Variants in SCRIB observed in about 807,000 individuals in gnomAD.
The protein encoded by SCRIB is protein scribble homolog.
SCRIB carries 72 observed loss-of-function variants against 170.0 expected under a neutral mutation model. That is an observed-to-expected ratio of 0.42 (90% CI 0.35 to 0.52). The LOEUF is 0.52. SCRIB is among the 20% of genes least tolerant of loss of function. The pLI, the probability that SCRIB is intolerant of heterozygous loss-of-function variation, is 0.02. For synonymous variants in SCRIB, 1,298 were observed against 1,044.3 expected, an observed-to-expected ratio of 1.24 and a Z score of -4.68; for missense variants, 2,475 against 2,338.5, an observed-to-expected ratio of 1.06 and a Z score of -1.20.
At position 143,804,802 on chromosome 8, in the gene SCRIB, C is replaced by T. The variant is rs200803941; in HGVS notation, c.2775G>A (p.Glu925=). ...GGGAGACGGCGTGGTCATGCCTGGCCTCAGTCACGTCCACTCCATTAATCT... is the reference window on the plus strand; with the variant it reads ...GGGAGACGGCGTGGTCATGCCTGGCTTCAGTCACGTCCACTCCATTAATCT... ...VLSINGVDVT[E]ARHDHAVSLL... The change falls in exon 21 of 37, where the codon GAG becomes GAA. Residue 925 remains glutamate, a synonymous_variant. Transcript: ENST00000356994. 1 of 1,595,482 alleles carries T rather than the reference C, an allele frequency of 6.3e-7. No individual in the cohort carries two copies.
At chr8:143,805,576 C>T (rs1032945546) in intron 18 of SCRIB, 141 bp from the exon 19 acceptor site, 14 of 863,398 alleles carry the variant, frequency 1.6e-5, no homozygotes, top group Middle Eastern at 6.4e-4. Flanking sequence ...TGACATCACC[C>T]GAGACCTTTA....
intron 27 of SCRIB, 87 bp downstream of exon 27, chr8:143,794,951 C>A: frequency 1.2e-5 from 17 of 1,364,198 alleles, no homozygotes; most frequent in Non-Finnish European, 1.5e-5. Context: ...AAGGTTCCCT[C>A]CCGGATGGCC....
At chr8:143,791,769 A>C in intron 34 of SCRIB, 29 bp from the exon 35 acceptor site, 1 of 1,407,454 alleles carries the variant, frequency 7.1e-7, no homozygotes, top group Non-Finnish European at 9.8e-7. Flanking sequence ...GGGGAGAGGC[A>C]GAGAGTGAGA....
At chr8:143,796,856 CAG>C (rs1814969405) in intron 24 of SCRIB, among the ~76,000 whole-genome samples, 1 of 152,168 alleles carries the variant, frequency 6.6e-6, no homozygotes, top group South Asian at 2.1e-4. Context: ...CCTCTCATGT[CAG>C]AGAGAGCTGT....
intron 24 of SCRIB, among the ~76,000 whole-genome samples, chr8:143,796,434 G>A (rs1368133368): frequency 6.6e-6 from 1 of 152,176 alleles, no homozygotes; most frequent in African/African-American, 2.4e-5. Context: ...CAGCTGAAAT[G>A]GTAAGTAAGG....
Position 143,813,732 on chromosome 8 carries a change from T to C in SCRIB, c.357-6A>G, listed in dbSNP as rs901106318. 1.5e-5 allele frequency: 25 copies of C among 1,613,264 alleles called. No individual in the cohort carries two copies. The highest frequency in any genetic ancestry group is 2.0e-5 in the Non-Finnish European group (24 of 1,179,964). ...GAGTGAAGCCATCAGGGAGCCTGGA[T>C]GGGAGGAAGCAGAGGCCCTCGGATG... On this transcript the variant is annotated splice_polypyrimidine_tract_variant and splice_region_variant and intron_variant, in intron 3 of 36. Transcript: ENST00000356994.
In SCRIB at chr8:143,806,909, C is replaced by G. The variant is rs1815451249; in HGVS notation, c.2268+15G>C. On this transcript the variant is annotated intron_variant, in intron 17 of 36. Transcript: ENST00000356994. Reference sequence around the variant, plus strand: ...GGCCAGTGGCAGCGGAAAGGCCCTCCTAGGCAGTGCTCACCTCGTCGTCCC... The same window carrying G: ...GGCCAGTGGCAGCGGAAAGGCCCTCGTAGGCAGTGCTCACCTCGTCGTCCC... 3.1e-6 allele frequency: 5 copies of G among 1,589,134 alleles called. No homozygotes were observed. Among genetic ancestry groups the G allele is most frequent in the Admixed American group, 1.7e-5 (1 of 58,818 alleles).
At chr8:143,791,548 GA>G (rs1348781414) in intron 35 of SCRIB, 108 bp from the exon 36 acceptor site, 9 of 1,569,718 alleles carry the variant, frequency 5.7e-6, no homozygotes, top group South Asian at 2.2e-5. Context: ...GCTGAAGGGG[GA>G]GGGGGGGTGA....
At position 143,793,006 on chromosome 8, in the gene SCRIB, AGTG is replaced by A; in HGVS notation, c.3984_3986del (p.Thr1329del). 1 of 1,514,838 alleles carries A rather than the reference AGTG, an allele frequency of 6.6e-7. No homozygotes were observed. The highest frequency in any genetic ancestry group is 8.9e-7 in the Non-Finnish European group (1 of 1,129,328). 93.8% of individuals were successfully genotyped at this position (1,514,838 alleles called of 1,614,324 possible). ...CAGGGGCATCCTCAGGCGGGTGAGA[AGTG>A]GGCACGGCCGCGAAGGCCCTGTAGG... is the stretch of plus-strand genomic sequence containing the variant. On this transcript the variant is annotated inframe_deletion, in exon 29 of 37. Coordinates refer to ENST00000356994, the MANE Select transcript of SCRIB (RefSeq NM_182706.5).
At chr8:143,795,636 GA>G in intron 24 of SCRIB, 106 bp from the exon 25 acceptor site, 1 of 986,214 alleles carries the variant, frequency 1.0e-6, no homozygotes, top group Non-Finnish European at 1.6e-6. Flanking sequence ...GTGAGCCCAG[GA>G]GCCGCGTCCC....
intron 6 of SCRIB, 40 bp downstream of exon 6, chr8:143,813,271 G>T: frequency 6.2e-7 from 1 of 1,611,400 alleles, no homozygotes; most frequent in East Asian, 2.2e-5. Flanking sequence ...TGCTTCCGTG[G>T]CCCGCCCTCC....
At position 143,792,255 on chromosome 8, in the gene SCRIB, C is replaced by T; in HGVS notation, c.4479G>A (p.Leu1493=). The T allele has an allele frequency of 6.4e-7, 1 of 1,573,960 alleles. No individual in the cohort carries two copies. The highest frequency in any genetic ancestry group is 1.1e-5 in the South Asian group (1 of 87,956). ...TCCACAGCGCACGCTTCTCGGCCTC[C>T]AGGGCCCGGAGCTCGGCAGGGGACA... ...RALSPAELRA[L]EAEKRALWRA... is the part of the protein sequence containing the mutation. The change falls in exon 32 of 37, where the codon CTG becomes CTA. Residue 1493 remains leucine (L), a synonymous_variant. Transcript: ENST00000356994.
In SCRIB at chr8:143,814,239, C is replaced by T. The variant is rs1276782094; in HGVS notation, c.160-121G>A. ...GGCCTCTGTCTGCTCCAGGTCACACCGGGTCCTGGGGTCTAACCACGACAC... is the reference window on the plus strand; with the variant it reads ...GGCCTCTGTCTGCTCCAGGTCACACTGGGTCCTGGGGTCTAACCACGACAC... On this transcript the variant is annotated intron_variant, in intron 1 of 36. Transcript: ENST00000356994. The T allele has an allele frequency of 1.5e-5, 12 of 809,516 alleles. No homozygotes were observed. The East Asian group carries it at 1.6e-4, about 11-fold the overall frequency. 50.1% of individuals were successfully genotyped at this position (809,516 alleles called of 1,614,324 possible).
intron 16 of SCRIB, 24 bp downstream of exon 16, chr8:143,807,528 G>A (rs1554636905): frequency 6.2e-7 from 1 of 1,603,496 alleles, no homozygotes; most frequent in African/African-American, 1.3e-5. Flanking sequence ...GGCCCGGCCA[G>A]AGTGCAGAGC....
At position 143,808,963 on chromosome 8, in the gene SCRIB, C is replaced by T. The variant is rs1193587769; in HGVS notation, c.1761G>A (p.Gly587=). The T allele has an allele frequency of 6.2e-7, 1 of 1,612,996 alleles. No homozygotes were observed. The highest frequency in any genetic ancestry group is 1.7e-5 in the Admixed American group (1 of 60,004). The part of the protein sequence containing the change: ...LPGDDREIEE[G]QPEAPWTLPG... ...GCAGGGTCCAGGGGGCCTCAGGCTG[C>T]CCCTCCTCGATCTCCCTGTCATCCC... Residue 587 remains glycine, a synonymous_variant, in exon 15 of 37, where the codon GGG becomes GGA. Coordinates refer to ENST00000356994, the MANE Select transcript of SCRIB (RefSeq NM_182706.5).
At chr8:143,798,737 T>C (rs1303053914) in intron 24 of SCRIB, among the ~76,000 whole-genome samples, 1 of 152,082 alleles carries the variant, frequency 6.6e-6, no homozygotes, top group African/African-American at 2.4e-5. Flanking sequence ...TCTGAAAACA[T>C]CCACCTCTCA....
chr8:143,802,958 T>C (rs1321956511), intron 24 of SCRIB, among the ~76,000 whole-genome samples: 1 of 152,160 alleles, frequency 6.6e-6, no homozygotes, highest in Non-Finnish European at 1.5e-5. Flanking sequence ...AAGGTGCCAC[T>C]AGGCACAGGA....
rs782467608 is a variant in SCRIB, at chr8:143,804,649, A to T, written c.2928T>A (p.Thr976=). The change falls in exon 21 of 37, where the codon ACT becomes ACA. Residue 976 remains threonine (T), a synonymous_variant. Transcript: ENST00000356994. ...GCAACCCAGGCACCCCGGGGGTGGCAGTGGTTATGCTGGTGGTGGCAACAG... is the reference window on the plus strand; with the variant it reads ...GCAACCCAGGCACCCCGGGGGTGGCTGTGGTTATGCTGGTGGTGGCAACAG... The part of the protein sequence containing the change: ...TAAVATTSIT[T]ATPGVPGLPS... The T allele has an allele frequency of 6.5e-7, 1 of 1,539,030 alleles. No individual in the cohort carries two copies. The highest frequency in any genetic ancestry group is 8.8e-7 in the Non-Finnish European group (1 of 1,142,028).
intron 13 of SCRIB, among the ~76,000 whole-genome samples, chr8:143,809,959 A>G (rs1466884482): frequency 6.6e-6 from 1 of 152,166 alleles, no homozygotes; most frequent in South Asian, 2.1e-4. Context: ...AGCCTTTCCT[A>G]AAACAAACAA....
Sources: allele counts gnomAD v4.1 joint callset (sites outside exome capture counted in the v4.1 genomes callset), GRCh38; gene constraint gnomAD v4.1.1; transcripts MANE v1.5; gene names NCBI Gene and HGNC (gene_info 2026-07-23, HGNC 2026-07-21).